The following SP4 variants were observed in gnomAD, a reference collection of about 807,000 sequenced individuals.
SP4 encodes the protein transcription factor Sp4.
SP4 carries 19 observed loss-of-function variants against 72.8 expected under a neutral mutation model. The observed-to-expected ratio is 0.26, with a 90% CI of 0.18 to 0.38. The LOEUF is 0.38. Ranked by LOEUF, SP4 falls within the 10% of genes least tolerant of loss-of-function variation. SP4 has a pLI of 1.00. For synonymous variants in SP4, 395 were observed against 333.1 expected, an observed-to-expected ratio of 1.19 and a Z score of -2.02; for missense variants, 1,008 against 926.3, an observed-to-expected ratio of 1.09 and a Z score of -1.14.
rs3214203 is a variant in SP4 at position 21,477,009 on chromosome 7, A to AT, written c.1679-59dup. ...TAGAAAAAATTTATTATGCACATAGATTTTTTTTTTTAATCCTTTCTTTAG... is the reference window on the plus strand; with the variant it reads ...TAGAAAAAATTTATTATGCACATAGATTTTTTTTTTTTAATCCTTTCTTTAG... On this transcript the variant is annotated intron_variant, in intron 3 of 5. Coordinates refer to ENST00000222584, the MANE Select transcript of SP4 (RefSeq NM_003112.5). The AT allele has an allele frequency of 1.6e-3, 1,688 of 1,056,232 alleles. 1 individual carries two copies. The highest frequency in any genetic ancestry group is 2.0e-3 in the South Asian group (122 of 61,734). The allele number at this position is 1,056,232 out of a possible 1,614,324, so 65.4% of individuals were successfully genotyped here. A position where few individuals can be genotyped will look rare whatever the true frequency, so the allele number is the denominator to read the frequency against.
At chr7:21,459,996 T>G (rs1033583319) in intron 3 of SP4, among the ~76,000 whole-genome samples, 1 of 152,126 alleles carries the variant, frequency 6.6e-6, no homozygotes, top group Non-Finnish European at 1.5e-5. Context: ...TGGTAAAAGA[T>G]GGTAATACTA....
Position 21,492,551 on chromosome 7 carries a change from GC to G in SP4, c.2107+10429del, listed in dbSNP as rs149423855. Among the ~76,000 whole-genome samples the G allele has an allele frequency of 3.8e-3, 581 of 152,112 alleles. 3 individuals are homozygous for G. The highest frequency in any genetic ancestry group is 0.013 in the African/African-American group (526 of 41,480). On this transcript the variant is annotated intron_variant, in intron 5 of 5. Coordinates refer to ENST00000222584, the MANE Select transcript of SP4 (RefSeq NM_003112.5). Reference sequence around the variant, plus strand: ...AAATCTGAAACACTTATAGGCCCAAGCATTTCAGATAAGGGATACTTGACTG... The same window carrying G: ...AAATCTGAAACACTTATAGGCCCAAGATTTCAGATAAGGGATACTTGACTG...
At chr7:21,491,286 A>T (rs1470072293) in intron 5 of SP4, among the ~76,000 whole-genome samples, 2 of 152,190 alleles carry the variant, frequency 1.3e-5, no homozygotes, top group Non-Finnish European at 2.9e-5. Context: ...AGTTTATCAG[A>T]TGCTCAGTAG....
intron 5 of SP4, among the ~76,000 whole-genome samples, chr7:21,509,442 T>C (rs1231242628): frequency 6.7e-6 from 1 of 150,206 alleles, no homozygotes; most frequent in Non-Finnish European, 1.5e-5. Context: ...TTAAAGTACC[T>C]TCAAACTCTA....
At chr7:21,488,437 G>A (rs2128412856) in intron 5 of SP4, among the ~76,000 whole-genome samples, 1 of 148,732 alleles carries the variant, frequency 6.7e-6, no homozygotes, top group Middle Eastern at 3.5e-3. Flanking sequence ...CTAGTTTGCA[G>A]ACATTTGATA....
chr7:21,449,030 A>C (rs1783507952), intron 3 of SP4, among the ~76,000 whole-genome samples: 1 of 152,076 alleles, frequency 6.6e-6, no homozygotes, highest in African/African-American at 2.4e-5. Flanking sequence ...GCTTTTTTCA[A>C]AACACACACC....
intron 3 of SP4, among the ~76,000 whole-genome samples, chr7:21,431,331 A>T (rs951600599): frequency 2.6e-5 from 4 of 152,142 alleles, no homozygotes; most frequent in African/African-American, 9.7e-5. Context: ...CTTGTCGCCC[A>T]TGCTTTTGTG....
chr7:21,441,857 A>G lies in SP4; in HGVS notation c.1678+11014A>G, dbSNP rs151260883. 2.0e-5 allele frequency among the ~76,000 whole-genome samples: 3 copies of G among 152,254 alleles called. No homozygotes were observed. The East Asian group carries it at 5.8e-4, about 29-fold the overall frequency. ...TCCCCTGCTCTGTATCAAGCATGGT[A>G]ATAGGCATTGAGAAACTAAAGATGA... On this transcript the variant is annotated intron_variant, in intron 3 of 5. Coordinates refer to ENST00000222584, the MANE Select transcript of SP4 (RefSeq NM_003112.5).
intron 5 of SP4, among the ~76,000 whole-genome samples, chr7:21,492,739 A>T (rs1033569036): frequency 1.2e-4 from 19 of 152,360 alleles, no homozygotes; most frequent in African/African-American, 3.8e-4. Context: ...CTGTCCAATG[A>T]CATTTTTTAA....
intron 3 of SP4, among the ~76,000 whole-genome samples, chr7:21,431,187 T>G (rs1782842178): frequency 6.6e-6 from 1 of 152,360 alleles, no homozygotes; most frequent in African/African-American, 2.4e-5. Context: ...CGAAATGATA[T>G]TTATCTCTTC....
chr7:21,432,959 A>C (rs537642232), intron 3 of SP4, among the ~76,000 whole-genome samples: 1 of 152,066 alleles, frequency 6.6e-6, no homozygotes, highest in African/African-American at 2.4e-5. Flanking sequence ...GCCTCACTGC[A>C]CTCCCACCTG....
At chr7:21,441,578 T>C (rs2128394632) in intron 3 of SP4, among the ~76,000 whole-genome samples, 1 of 152,330 alleles carries the variant, frequency 6.6e-6, no homozygotes, top group African/African-American at 2.4e-5. Flanking sequence ...ATATTTGCAA[T>C]GCAAATGATA....
intron 3 of SP4, 74 bp from the exon 4 acceptor site, chr7:21,477,005 A>T: frequency 9.0e-7 from 1 of 1,109,790 alleles, no homozygotes; most frequent in African/African-American, 1.8e-5. Context: ...TATTATGCAC[A>T]TAGATTTTTT....
chr7:21,470,303 T>G (rs1339526843), intron 3 of SP4, among the ~76,000 whole-genome samples: 1 of 152,226 alleles, frequency 6.6e-6, no homozygotes, highest in East Asian at 1.9e-4. Context: ...GGCCTCTTTC[T>G]TGAGCAGCTT....
chr7:21,489,663 C>T (rs1443828064), intron 5 of SP4, among the ~76,000 whole-genome samples: 3 of 150,206 alleles, frequency 2.0e-5, no homozygotes, highest in Non-Finnish European at 4.4e-5. Flanking sequence ...GGGTTCATGC[C>T]ATTCTCCTGC....
chr7:21,444,388 C>T (rs1440320523), intron 3 of SP4, among the ~76,000 whole-genome samples: 1 of 152,208 alleles, frequency 6.6e-6, no homozygotes, highest in Non-Finnish European at 1.5e-5. Context: ...GCATGCAGCA[C>T]TTGATCTATT....
At chr7:21,501,640 A>T (rs1781864683) in intron 5 of SP4, among the ~76,000 whole-genome samples, 1 of 152,178 alleles carries the variant, frequency 6.6e-6, no homozygotes, top group South Asian at 2.1e-4. Context: ...TCCATTTTCC[A>T]AACCAATCTT....
intron 3 of SP4, among the ~76,000 whole-genome samples, chr7:21,470,166 G>A (rs979874449): frequency 2.0e-5 from 3 of 152,188 alleles, no homozygotes; most frequent in African/African-American, 7.2e-5. Flanking sequence ...AGTTTCGTAA[G>A]AAAGCTTCTA....
At chr7:21,449,682 T>C (rs559811012) in intron 3 of SP4, among the ~76,000 whole-genome samples, 16 of 152,316 alleles carry the variant, frequency 1.1e-4, no homozygotes, top group African/African-American at 3.6e-4. Flanking sequence ...CAGATCATCT[T>C]TGGTTCTGCT....
Sources: gnomAD v4.1 joint callset for allele counts (sites outside exome capture counted in the v4.1 genomes callset) on GRCh38, gnomAD v4.1.1 for gene constraint, MANE v1.5 for transcripts, NCBI Gene and HGNC (gene_info 2026-07-23, HGNC 2026-07-21) for gene names.